SYNE1: variants seen among roughly 807,000 people sequenced by gnomAD.
SYNE1 encodes spectrin repeat containing nuclear envelope protein 1.
Under a neutral mutation model 1,111.0 loss-of-function variants are expected in SYNE1, and 616 were observed. The ratio of observed to expected loss-of-function variants is 0.55; its 90% CI spans 0.52 to 0.59. SYNE1 has a LOEUF of 0.59. Ranked by LOEUF, SYNE1 falls within the 20% of genes least tolerant of loss-of-function variation. The pLI is 0.00. For missense variants in SYNE1, 10,006 were observed against 10,417.0 expected, an observed-to-expected ratio of 0.96 and a Z score of 1.72; for synonymous variants, 3,855 against 3,825.8, an observed-to-expected ratio of 1.01 and a Z score of -0.28.
chr6:152,208,030 C>A lies in SYNE1; in HGVS notation c.22766G>T (p.Gly7589Val). 6.2e-7 allele frequency: 1 copy of A among 1,614,148 alleles called. No homozygotes were observed. The highest frequency in any genetic ancestry group is 8.5e-7 in the Non-Finnish European group (1 of 1,180,036). ...CAGTGGTATAGGAACACTTCCGAGA[C>A]CACTCATGGGGAGGTAGGACACTTC... ...LVEVSYLPMS[G>V]LGSVPIPLQQ... The change falls in exon 125 of 146, where the codon GGT (glycine) becomes GTT (valine). Residue 7589 changes from glycine (G) to valine (V), a missense_variant. By Grantham distance (109) the Gly-to-Val change is moderately radical (BLOSUM62 -3). Coordinates refer to ENST00000367255, the MANE Select transcript of SYNE1 (RefSeq NM_182961.4).
At chr6:152,300,507 A>C (rs961589576) in intron 93 of SYNE1, 134 bp downstream of exon 93, 3 of 1,253,356 alleles carry the variant, frequency 2.4e-6, no homozygotes, top group Non-Finnish European at 3.4e-6. Context: ...GTGCAACTAT[A>C]ACACCTAATA....
chr6:152,381,885 C>G (rs2097424213), intron 55 of SYNE1, among the ~76,000 whole-genome samples: 1 of 152,122 alleles, frequency 6.6e-6, no homozygotes, highest in African/African-American at 2.4e-5. Flanking sequence ...CCAAATACCT[C>G]AATACTAAGT....
chr6:152,538,861 G>A (rs1247315222), intron 4 of SYNE1, among the ~76,000 whole-genome samples: 1 of 152,128 alleles, frequency 6.6e-6, no homozygotes, highest in Non-Finnish European at 1.5e-5. Flanking sequence ...CCTATATCTA[G>A]ACAGGTCGCT....
At chr6:152,273,554 A>G (rs1386843951) in intron 98 of SYNE1, among the ~76,000 whole-genome samples, 1 of 152,216 alleles carries the variant, frequency 6.6e-6, no homozygotes, top group African/African-American at 2.4e-5. Context: ...CCTCGTTAAT[A>G]ATGAATGGGA....
intron 128 of SYNE1, among the ~76,000 whole-genome samples, chr6:152,184,283 C>T (rs2069023793): frequency 6.6e-6 from 1 of 151,792 alleles, no homozygotes; most frequent in Admixed American, 6.6e-5. Flanking sequence ...TAAAAGAATA[C>T]AAAATTAGCA....
At chr6:152,482,838 A>G (rs1394638524) in intron 14 of SYNE1, among the ~76,000 whole-genome samples, 1 of 152,220 alleles carries the variant, frequency 6.6e-6, no homozygotes, top group Non-Finnish European at 1.5e-5. Flanking sequence ...AATAACAAAG[A>G]TAGCTGCAGA....
At chr6:152,278,445 T>C (rs887378926) in intron 97 of SYNE1, among the ~76,000 whole-genome samples, 165 bp from the exon 98 acceptor site, 1 of 151,082 alleles carries the variant, frequency 6.6e-6, no homozygotes, top group Admixed American at 6.6e-5. Flanking sequence ...GTCTGTAGGC[T>C]TTTTTTTTAT....
At chr6:152,187,206 G>C (rs1041444792) in intron 128 of SYNE1, among the ~76,000 whole-genome samples, 17 of 152,138 alleles carry the variant, frequency 1.1e-4, no homozygotes, top group Admixed American at 1.1e-3. Flanking sequence ...ATATTCATAG[G>C]AAACTGCTCA....
chr6:152,155,440 T>G, intron 132 of SYNE1: 2 of 311,800 alleles, frequency 6.4e-6, no homozygotes, highest in Non-Finnish European at 1.2e-5. Flanking sequence ...CAACTCACAC[T>G]GACAAAAGTT....
At chr6:152,506,577 T>A (rs2099059247) in intron 8 of SYNE1, among the ~76,000 whole-genome samples, 1 of 152,072 alleles carries the variant, frequency 6.6e-6, no homozygotes, top group Non-Finnish European at 1.5e-5. Context: ...TCACTCATTC[T>A]GTTGCCCAGG....
In SYNE1 at chr6:152,122,721, G is replaced by A. The variant is rs376243097; in HGVS notation, c.26154-45C>T. The A allele has an allele frequency of 4.7e-5, 75 of 1,611,418 alleles. No homozygotes were observed. The Admixed American group carries it at 4.8e-4, about 10-fold the overall frequency. On this transcript the variant is annotated intron_variant, in intron 145 of 145. Coordinates refer to ENST00000367255, the MANE Select transcript of SYNE1 (RefSeq NM_182961.4). ...AAATTACTCAGATAACTCCAGTGTC[G>A]GAGGGACGCTGCTTTTTGCCTCTGC... is the stretch of plus-strand genomic sequence containing the variant.
chr6:152,347,126 T>A lies in SYNE1; in HGVS notation c.12011A>T (p.Gln4004Leu), dbSNP rs572917949. The change falls in exon 73 of 146, where the codon CAA becomes CTA. Residue 4004 changes from glutamine (Q) to leucine (L), a missense_variant. Gln to Leu is a moderately radical substitution (Grantham distance 113). Coordinates refer to ENST00000367255, the MANE Select transcript of SYNE1 (RefSeq NM_182961.4). ...CADHLQAKLK[Q>L]NVHAHLQGTK... ...GCCCTGCAGATGAGCATGCACGTTTTGTTTAAGTTTCGCTTGCAGGTGGTC... is the reference window on the plus strand; with the variant it reads ...GCCCTGCAGATGAGCATGCACGTTTAGTTTAAGTTTCGCTTGCAGGTGGTC... 3 of 1,614,084 alleles carry A rather than the reference T, an allele frequency of 1.9e-6. No homozygotes were observed. The highest frequency in any genetic ancestry group is 2.5e-6 in the Non-Finnish European group (3 of 1,180,042).
chr6:152,270,718 G>T (rs886917399), intron 98 of SYNE1, among the ~76,000 whole-genome samples: 7 of 152,206 alleles, frequency 4.6e-5, no homozygotes, highest in African/African-American at 1.7e-4. Flanking sequence ...GAGGGCCCTG[G>T]TGGGGAGTTA....
At chr6:152,513,907 GC>G (rs1186115397) in intron 6 of SYNE1, among the ~76,000 whole-genome samples, 3 of 152,094 alleles carry the variant, frequency 2.0e-5, no homozygotes, top group Non-Finnish European at 2.9e-5. Context: ...TTAGAGAAAT[GC>G]AAATAAAAAC....
At position 152,331,409 on chromosome 6, in the gene SYNE1, C is replaced by T. The variant is rs1278364284; in HGVS notation, c.13276G>A (p.Ala4426Thr). 6.2e-7 allele frequency: 1 copy of T among 1,614,152 alleles called. No individual in the cohort carries two copies. Among genetic ancestry groups the T allele is most frequent in the South Asian group, 1.1e-5 (1 of 91,074 alleles). Residue 4426 changes from alanine (A) to threonine (T), a missense_variant, in exon 78 of 146, where the codon GCT (alanine) becomes ACT (threonine). Transcript: ENST00000367255. ...ACGTGGCTTTGTGCATCAGAGAGAGCCTTCTGGATGACCTGTCGCTCATTG... is the reference window on the plus strand; with the variant it reads ...ACGTGGCTTTGTGCATCAGAGAGAGTCTTCTGGATGACCTGTCGCTCATTG... ...GLNERQVIQKALSDAQSHVNC... is the reference protein window; with the variant it reads ...GLNERQVIQKTLSDAQSHVNC...
Position 152,249,194 on chromosome 6 carries a change from A to ATTTGCCAGT in SYNE1, c.19530_19538dup (p.Lys6510_Ala6512dup). On this transcript the variant is annotated inframe_insertion, in exon 105 of 146. Transcript: ENST00000367255. ...GTTCTGCTACGGGCTGTTCAAACACATTTGCCAGTTTTTGCAGAATGATGT... is the reference window on the plus strand; with the variant it reads ...GTTCTGCTACGGGCTGTTCAAACACATTTGCCAGTTTTGCCAGTTTTTGCAGAATGATGT... 1 of 1,614,068 alleles carries ATTTGCCAGT rather than the reference A, an allele frequency of 6.2e-7. No homozygotes were observed. The highest frequency in any genetic ancestry group is 2.2e-5 in the East Asian group (1 of 44,868).
chr6:152,482,622 A>C lies in SYNE1; in HGVS notation c.1350+463T>G, dbSNP rs973201906. ...AAGTTTAAAACATCCCAAATGACTA[A>C]GAGACCATCAAAGCCTAACCCCACC... On this transcript the variant is annotated intron_variant, in intron 14 of 145. Coordinates refer to ENST00000367255, the MANE Select transcript of SYNE1 (RefSeq NM_182961.4). 2.0e-5 allele frequency among the ~76,000 whole-genome samples: 3 copies of C among 152,170 alleles called. No individual in the cohort carries two copies. In the South Asian group the frequency reaches 6.2e-4, roughly 32 times the overall value.
intron 101 of SYNE1, among the ~76,000 whole-genome samples, chr6:152,258,706 T>C (rs1303286562): frequency 6.6e-6 from 1 of 152,034 alleles, no homozygotes; most frequent in Non-Finnish European, 1.5e-5. Context: ...CTTTTGACCA[T>C]GTTTTCAATC....
chr6:152,620,485 T>G (rs1337479481), intron 3 of SYNE1, among the ~76,000 whole-genome samples: 1 of 152,192 alleles, frequency 6.6e-6, no homozygotes, highest in East Asian at 1.9e-4. Flanking sequence ...GTATCTAAAA[T>G]GTAACATATC....
Sources: gnomAD v4.1 joint callset for allele counts (sites outside exome capture counted in the v4.1 genomes callset) on GRCh38, gnomAD v4.1.1 for gene constraint, MANE v1.5 for transcripts, NCBI Gene and HGNC (gene_info 2026-07-23, HGNC 2026-07-21) for gene names.